Variants in MYO16 observed in about 807,000 individuals in gnomAD.
MYO16 encodes the protein myosin XVI, also known as unconventional myosin-XVI.
In MYO16, 94 loss-of-function variants were observed where a neutral mutation model predicts 205.3. The ratio of observed to expected loss-of-function variants is 0.46; its 90% CI spans 0.39 to 0.54. The LOEUF (loss-of-function observed/expected upper bound fraction) is 0.54, where lower values mean the gene tolerates loss of function less well. MYO16 is among the 20% of genes least tolerant of loss of function. MYO16 has a pLI of 0.00. For synonymous variants in MYO16, 988 were observed against 954.0 expected, an observed-to-expected ratio of 1.04 and a Z score of -0.66; for missense variants, 2,315 against 2,387.5, an observed-to-expected ratio of 0.97 and a Z score of 0.63.
At position 108,829,571 on chromosome 13, in the gene MYO16, A is replaced by G. The variant is rs371555580; in HGVS notation, c.1097+6293A>G. On this transcript the variant is annotated intron_variant, in intron 9 of 34. Coordinates refer to ENST00000457511, the MANE Select transcript of MYO16 (RefSeq NM_001198950.3). The stretch of plus-strand genomic sequence containing the variant: ...GAGGTTGTGTGGGGGCTGAGTCGCC[A>G]GAGTTTCTGAGTCATCTGTGACCTG... 4.9e-4 allele frequency among the ~76,000 whole-genome samples: 75 copies of G among 152,314 alleles called. 1 individual carries two copies. Among genetic ancestry groups the G allele is most frequent in the African/African-American group, 1.7e-3 (70 of 41,584 alleles).
At chr13:108,892,516 C>T (rs563812189) in intron 14 of MYO16, among the ~76,000 whole-genome samples, 15 of 152,282 alleles carry the variant, frequency 9.9e-5, no homozygotes, top group South Asian at 2.1e-4. Flanking sequence ...GCTGGGATTA[C>T]GGACATGAGC....
chr13:108,692,582 T>A (rs1882939658), intron 2 of MYO16, among the ~76,000 whole-genome samples: 1 of 152,152 alleles, frequency 6.6e-6, no homozygotes, highest in African/African-American at 2.4e-5. Context: ...TGGCAAACGT[T>A]GCGATTGGAA....
At chr13:108,733,168 C>G (rs1468163064) in intron 4 of MYO16, among the ~76,000 whole-genome samples, 1 of 152,126 alleles carries the variant, frequency 6.6e-6, no homozygotes, top group Non-Finnish European at 1.5e-5. Context: ...CATCGTCTAC[C>G]TAACAGCACT....
the MYO16 span, among the ~76,000 whole-genome samples, chr13:108,541,831 G>C: frequency 6.6e-6 from 1 of 152,112 alleles, no homozygotes; most frequent in Non-Finnish European, 1.5e-5. Flanking sequence ...GCGAGCTTGT[G>C]GAGAAATGAG....
intron 16 of MYO16, among the ~76,000 whole-genome samples, chr13:108,942,583 A>C (rs189929591): frequency 1.2e-4 from 19 of 152,308 alleles, no homozygotes; most frequent in Admixed American, 3.9e-4. Flanking sequence ...GCATATCACT[A>C]TTCTGTATAA....
intron 1 of MYO16, among the ~76,000 whole-genome samples, chr13:108,657,566 A>G (rs369484049): frequency 6.6e-6 from 1 of 152,188 alleles, no homozygotes; most frequent in African/African-American, 2.4e-5. Flanking sequence ...TTGTAATGAC[A>G]TTTGTAAACT....
intron 1 of MYO16, among the ~76,000 whole-genome samples, chr13:108,637,993 T>A (rs955750349): frequency 1.3e-5 from 2 of 152,174 alleles, no homozygotes; most frequent in Admixed American, 1.3e-4. Flanking sequence ...AGAGATGTTA[T>A]AAGAACTTTT....
At chr13:108,662,641 G>A (rs1172213253) in intron 1 of MYO16, among the ~76,000 whole-genome samples, 1 of 152,182 alleles carries the variant, frequency 6.6e-6, no homozygotes, top group Non-Finnish European at 1.5e-5. Flanking sequence ...CAACAGCCCT[G>A]AGTCTGTTCC....
intron 15 of MYO16, among the ~76,000 whole-genome samples, chr13:108,908,971 T>TAAA (rs1594387411): frequency 7.3e-6 from 1 of 137,720 alleles, no homozygotes; most frequent in African/African-American, 2.7e-5. Flanking sequence ...AGACTGTGTC[T>TAAA]CAAAAAAAAT....
chr13:108,621,373 G>A (rs376739435), intron 1 of MYO16, among the ~76,000 whole-genome samples: 12 of 152,036 alleles, frequency 7.9e-5, no homozygotes, highest in South Asian at 2.1e-4. Context: ...GTTAACCACC[G>A]CCAACTGCAG....
intron 15 of MYO16, among the ~76,000 whole-genome samples, chr13:108,899,019 GA>G (rs79884344): frequency 6.6e-6 from 1 of 150,502 alleles, no homozygotes; most frequent in Admixed American, 6.6e-5. Context: ...TTCCCTTCAG[GA>G]AAAAAAAAGT....
chr13:109,159,249 A>G (rs1320892036), intron 32 of MYO16, among the ~76,000 whole-genome samples: 2 of 152,244 alleles, frequency 1.3e-5, no homozygotes, highest in Non-Finnish European at 2.9e-5. Context: ...TTATCTTATA[A>G]TTTTAAATAA....
chr13:108,822,415 G>A (rs916511532), intron 8 of MYO16, among the ~76,000 whole-genome samples: 5 of 152,116 alleles, frequency 3.3e-5, no homozygotes, highest in African/African-American at 1.2e-4. Context: ...CCTGACGATT[G>A]AGAAGAAGCA....
intron 21 of MYO16, among the ~76,000 whole-genome samples, chr13:109,007,539 CGTGTGTGTGTGTGTGTGTGTGTGT>C (rs71125360): frequency 6.0e-5 from 8 of 133,618 alleles, no homozygotes; most frequent in Admixed American, 1.5e-4. Context: ...AGAAATCAGC[CGTGTGTGTGTGTGTGTGTGTGTGT>C]GTGTGTGTGT....
chr13:108,561,199 G>C, the MYO16 span, among the ~76,000 whole-genome samples: 1 of 152,298 alleles, frequency 6.6e-6, no homozygotes. Flanking sequence ...CATTGATCAG[G>C]TATAATCAGT....
chr13:109,048,353 G>C (rs1241560999), intron 24 of MYO16: 1 of 758,142 alleles, frequency 1.3e-6, no homozygotes, highest in Admixed American at 1.8e-5. Context: ...AGGTGCTTCT[G>C]AGCAAAAGGA....
intron 20 of MYO16, among the ~76,000 whole-genome samples, chr13:108,991,273 C>T (rs1296470564): frequency 6.6e-6 from 1 of 152,102 alleles, no homozygotes; most frequent in Non-Finnish European, 1.5e-5. Flanking sequence ...TTGGGCCTGT[C>T]TTACATCTTT....
Position 109,095,703 on chromosome 13 carries a change from A to G in MYO16, c.3336-5082A>G, listed in dbSNP as rs189585465. ...TCTTGGTTATAATTAACAAATTTCC[A>G]GAATGAGACAATTATGAGAGAGAAT... On this transcript the variant is annotated intron_variant, in intron 27 of 34. Coordinates refer to ENST00000457511, the MANE Select transcript of MYO16 (RefSeq NM_001198950.3). Among the ~76,000 whole-genome samples the G allele has an allele frequency of 2.0e-3, 308 of 152,336 alleles. 2 individuals are homozygous for G. The highest frequency in any genetic ancestry group is 6.9e-3 in the African/African-American group (286 of 41,584).
chr13:108,611,979 T>C (rs963163079), intron 1 of MYO16, among the ~76,000 whole-genome samples: 9 of 86,284 alleles, frequency 1.0e-4, no homozygotes, highest in East Asian at 5.1e-4. Context: ...TTTCTTTTTT[T>C]TTTTTTTTTT....
Sources: allele counts gnomAD v4.1 joint callset (sites outside exome capture counted in the v4.1 genomes callset), GRCh38; gene constraint gnomAD v4.1.1; transcripts MANE v1.5; gene names NCBI Gene and HGNC (gene_info 2026-07-23, HGNC 2026-07-21).